The following ABI3BP variants were observed in gnomAD, a reference collection of about 807,000 sequenced individuals.
ABI3BP encodes target of Nesh-SH3.
A neutral mutation model predicts 268.6 loss-of-function variants in ABI3BP; 216 were observed. The observed-to-expected ratio is 0.80, with a 90% confidence interval of 0.72 to 0.90. The LOEUF (loss-of-function observed/expected upper bound fraction) is 0.90, where lower values mean the gene tolerates loss of function less well. ABI3BP is among the 40% of genes least tolerant of loss of function. The probability of loss-of-function intolerance (pLI) is 0.00; values close to 1 mark genes in which losing one functional copy is unlikely to be tolerated. For synonymous variants in ABI3BP, 730 were observed against 730.0 expected (o/e 1.00, Z 0.00); for missense variants, 2,090 against 2,182.4 (o/e 0.96, Z 0.84).
intron 45 of ABI3BP, among the ~76,000 whole-genome samples, chr3:100,812,835 T>C (rs1047286170): frequency 6.6e-6 from 1 of 152,148 alleles, no homozygotes; most frequent in African/African-American, 2.4e-5. Context: ...TTAAAATAAA[T>C]GTCAGGAAGT....
intron 58 of ABI3BP, among the ~76,000 whole-genome samples, chr3:100,779,817 G>C (rs573729004): frequency 6.6e-6 from 1 of 152,254 alleles, no homozygotes; most frequent in Non-Finnish European, 1.5e-5. Context: ...CTTAAAACAT[G>C]ATAAAAACTA....
Position 100,804,912 on chromosome 3 carries a change from T to C in ABI3BP, c.3683-46A>G, listed in dbSNP as rs1578316358. 3.4e-6 allele frequency: 5 copies of C among 1,480,716 alleles called. No homozygotes were observed. In the Middle Eastern group the frequency reaches 5.3e-4, roughly 156 times the overall value. 91.7% of individuals were successfully genotyped at this position (1,480,716 alleles called of 1,614,324 possible). A position where few individuals can be genotyped will look rare whatever the true frequency, so the allele number is the denominator to read the frequency against. ...TGTAAGTCATTTGGTTTCAGCATCTTCCAGTCATGCTTAAAACATAAGACA... is the reference window on the plus strand; with the variant it reads ...TGTAAGTCATTTGGTTTCAGCATCTCCCAGTCATGCTTAAAACATAAGACA... On this transcript the variant is annotated intron_variant, in intron 50 of 67. Coordinates refer to ENST00000471714, the MANE Select transcript of ABI3BP (RefSeq NM_001375547.2).
intron 46 of ABI3BP, 74 bp from the exon 47 acceptor site, chr3:100,811,873 T>A: frequency 9.3e-7 from 1 of 1,076,574 alleles, no homozygotes; most frequent in Admixed American, 2.1e-5. Flanking sequence ...CTGCATTTAA[T>A]TTAAAAATAG....
At chr3:100,782,595 C>A (rs1179562071) in intron 57 of ABI3BP, among the ~76,000 whole-genome samples, 1 of 152,046 alleles carries the variant, frequency 6.6e-6, no homozygotes, top group Admixed American at 6.6e-5. Context: ...AGACTGAGCT[C>A]TTATTCTGGA....
intron 2 of ABI3BP, among the ~76,000 whole-genome samples, chr3:100,919,125 T>C (rs560686316): frequency 6.6e-6 from 1 of 152,298 alleles, no homozygotes; most frequent in African/African-American, 2.4e-5. Flanking sequence ...CAATGGCTGG[T>C]ACTACATCAT....
In ABI3BP at chr3:100,780,148, G is replaced by T. The variant is rs1026402257; in HGVS notation, c.4224C>A (p.His1408Gln). ...ADRNVSVDST[H>Q]PTKKPGTRRP... is the part of the protein sequence containing the mutation. The stretch of plus-strand genomic sequence containing the variant: ...ATTACTTACCTGGCTTTTTAGTGGG[G>T]TGGGTAGAGTCCACTGATACATTTC... The change falls in exon 58 of 68, where the codon CAC becomes CAA. Residue 1408 changes from histidine (H) to glutamine (Q), a missense_variant. Coordinates refer to ENST00000471714, the MANE Select transcript of ABI3BP (RefSeq NM_001375547.2). The T allele has an allele frequency of 6.2e-7, 1 of 1,612,886 alleles. No homozygotes were observed. The highest frequency in any genetic ancestry group is 8.5e-7 in the Non-Finnish European group (1 of 1,179,160).
chr3:100,765,792 A>G (rs907732252), intron 63 of ABI3BP, 49 bp downstream of exon 63: 1 of 1,338,722 alleles, frequency 7.5e-7, no homozygotes, highest in South Asian at 1.2e-5. Context: ...TGTTGTGGTT[A>G]TAACTTTTGC....
chr3:100,958,570 C>T (rs2153808351), intron 1 of ABI3BP, among the ~76,000 whole-genome samples: 1 of 152,304 alleles, frequency 6.6e-6, no homozygotes, highest in East Asian at 1.9e-4. Context: ...CTTCTGGTTT[C>T]CACTTAGGAT....
intron 1 of ABI3BP, among the ~76,000 whole-genome samples, chr3:100,957,150 G>C (rs949609305): frequency 6.6e-6 from 1 of 152,214 alleles, no homozygotes. Flanking sequence ...CCAAGTAAGA[G>C]ATGGTGGTAG....
At chr3:100,771,053 A>T (rs1037637320) in intron 61 of ABI3BP, 101 bp from the exon 62 acceptor site, 2 of 1,073,674 alleles carry the variant, frequency 1.9e-6, no homozygotes, top group Non-Finnish European at 2.5e-6. Context: ...GTCTCATATT[A>T]TAAGCGGATG....
chr3:100,790,838 C>T (rs1276182260), intron 55 of ABI3BP, among the ~76,000 whole-genome samples: 1 of 151,942 alleles, frequency 6.6e-6, no homozygotes, highest in Non-Finnish European at 1.5e-5. Context: ...GTTCTTGTCT[C>T]ATTCTAGAAT....
At chr3:100,926,589 G>T in intron 1 of ABI3BP, 108 bp from the exon 2 acceptor site, 3 of 1,042,256 alleles carry the variant, frequency 2.9e-6, no homozygotes, top group Non-Finnish European at 4.3e-6. Context: ...TGAAAAACAT[G>T]TTGTCTACTT....
At chr3:100,838,184 G>T in intron 26 of ABI3BP, 26 bp downstream of exon 26, 1 of 1,519,982 alleles carries the variant, frequency 6.6e-7, no homozygotes, top group Non-Finnish European at 8.8e-7. Context: ...ATCCTGTTAA[G>T]CTAAAGCACT....
At chr3:100,778,420 T>C (rs775867673) in intron 58 of ABI3BP, 44 bp from the exon 59 acceptor site, 1 of 1,528,440 alleles carries the variant, frequency 6.5e-7, no homozygotes, top group Admixed American at 1.9e-5. Flanking sequence ...AAAGCCATCA[T>C]AAAGATTCAT....
In ABI3BP at chr3:100,987,156, A is replaced by G. The variant is rs186368570; in HGVS notation, c.79+6150T>C. On this transcript the variant is annotated intron_variant, in intron 1 of 67. Coordinates refer to ENST00000471714, the MANE Select transcript of ABI3BP (RefSeq NM_001375547.2). The stretch of plus-strand genomic sequence containing the variant: ...GTTTATACCTACTGTTATAAATTGC[A>G]ATCAGGGAACAGCAAAAGGCAAATT... Among the ~76,000 whole-genome samples the G allele has an allele frequency of 1.6e-3, 247 of 152,320 alleles. 2 individuals are homozygous for G. Among genetic ancestry groups the G allele is most frequent in the African/African-American group, 5.7e-3 (238 of 41,576 alleles).
chr3:100,827,311 T>G (rs891356234), intron 34 of ABI3BP, among the ~76,000 whole-genome samples: 4 of 152,046 alleles, frequency 2.6e-5, no homozygotes, highest in African/African-American at 9.7e-5. Flanking sequence ...CTAAACTGAC[T>G]CCTTGTCAAC....
At chr3:100,896,427 G>A (rs2047711486) in intron 4 of ABI3BP, among the ~76,000 whole-genome samples, 1 of 152,126 alleles carries the variant, frequency 6.6e-6, no homozygotes, top group Non-Finnish European at 1.5e-5. Flanking sequence ...AGTGTCAGTA[G>A]GACAAAGTGA....
intron 20 of ABI3BP, among the ~76,000 whole-genome samples, chr3:100,845,764 T>C (rs556501476): frequency 1.4e-4 from 21 of 151,984 alleles, no homozygotes; most frequent in Non-Finnish European, 2.8e-4. Context: ...ATGTGGTCAT[T>C]CAATATGTTA....
chr3:100,959,034 C>T (rs1170030786), intron 1 of ABI3BP, among the ~76,000 whole-genome samples: 1 of 152,136 alleles, frequency 6.6e-6, no homozygotes, highest in East Asian at 1.9e-4. Flanking sequence ...TCTTGTTGCT[C>T]CAGGGCATAG....
Sources: gnomAD v4.1 joint callset for allele counts (sites outside exome capture counted in the v4.1 genomes callset) on GRCh38, gnomAD v4.1.1 for gene constraint, MANE v1.5 for transcripts, NCBI Gene and HGNC (gene_info 2026-07-23, HGNC 2026-07-21) for gene names.